Variants in GLIS3 observed in about 807,000 individuals in gnomAD.
GLIS3 encodes zinc finger protein GLIS3.
Under a neutral mutation model 78.6 loss-of-function variants are expected in GLIS3, and 53 were observed. The ratio of observed to expected loss-of-function variants is 0.67; its 90% CI spans 0.54 to 0.85. The LOEUF is 0.85. Ranked by LOEUF, GLIS3 falls within the 40% of genes least tolerant of loss-of-function variation. The probability of loss-of-function intolerance (pLI) is 0.00; values close to 1 mark genes in which losing one functional copy is unlikely to be tolerated. For missense variants in GLIS3, 1,703 were observed against 1,231.1 expected (o/e 1.38, Z -5.74); for synonymous variants, 684 against 509.9 (o/e 1.34, Z -4.60).
At chr9:4,211,747 G>A (rs1337334483) in intron 2 of GLIS3, among the ~76,000 whole-genome samples, 2 of 152,144 alleles carry the variant, frequency 1.3e-5, no homozygotes, top group Admixed American at 6.5e-5. Flanking sequence ...GTTCATAACA[G>A]CCAAAAAGGG....
chr9:4,437,212 G>C, the GLIS3 span, among the ~76,000 whole-genome samples: 2 of 152,170 alleles, frequency 1.3e-5, no homozygotes, highest in Non-Finnish European at 2.9e-5. Flanking sequence ...AAGAATTTGA[G>C]ATCTTTAAAT....
intron 4 of GLIS3, among the ~76,000 whole-genome samples, chr9:3,966,742 C>A (rs146594476): frequency 6.6e-6 from 1 of 151,126 alleles, no homozygotes; most frequent in Non-Finnish European, 1.5e-5. Context: ...GAGCTGAGAT[C>A]GCGCCACTGC....
At chr9:4,126,618 A>C (rs768007267) in intron 2 of GLIS3, among the ~76,000 whole-genome samples, 1 of 152,216 alleles carries the variant, frequency 6.6e-6, no homozygotes, top group African/African-American at 2.4e-5. Flanking sequence ...TACATACCCA[A>C]AGGGGAAAGA....
At chr9:4,194,502 G>A (rs1253022446) in intron 2 of GLIS3, among the ~76,000 whole-genome samples, 1 of 152,126 alleles carries the variant, frequency 6.6e-6, no homozygotes, top group Non-Finnish European at 1.5e-5. Context: ...CAGATGCCTG[G>A]AAATCTGCCT....
rs143126279 is a variant in GLIS3 at position 4,269,294 on chromosome 9, TATA to T, written c.388+16741_388+16743del. ...CATACCCCTCCCTGCCCACAGATAT[TATA>T]ATATCATATGCACAAATCATGTGAC... On this transcript the variant is annotated intron_variant, in intron 2 of 10. Coordinates refer to ENST00000381971, the MANE Select transcript of GLIS3 (RefSeq NM_001042413.2). Among the ~76,000 whole-genome samples the T allele has an allele frequency of 5.2e-3, 786 of 152,298 alleles. 7 individuals carry two copies. The highest frequency in any genetic ancestry group is 0.017 in the African/African-American group (696 of 41,548).
intron 4 of GLIS3, among the ~76,000 whole-genome samples, chr9:4,111,097 TA>T (rs1181812197): frequency 6.6e-6 from 1 of 152,194 alleles, no homozygotes; most frequent in Non-Finnish European, 1.5e-5. Flanking sequence ...AGAATCTATA[TA>T]CAAACAAATC....
chr9:4,392,030 G>C, the GLIS3 span, among the ~76,000 whole-genome samples: 2 of 152,150 alleles, frequency 1.3e-5, no homozygotes, highest in Non-Finnish European at 2.9e-5. Context: ...ACTGGATAAA[G>C]AAAATGTGGT....
chr9:3,880,977 A>G (rs1439552735), intron 7 of GLIS3, among the ~76,000 whole-genome samples: 1 of 152,160 alleles, frequency 6.6e-6, no homozygotes, highest in Non-Finnish European at 1.5e-5. Context: ...ACCAGTTCAG[A>G]AAGGCAAGGC....
chr9:4,007,891 G>T (rs1409245618), intron 4 of GLIS3, among the ~76,000 whole-genome samples: 1 of 133,694 alleles, frequency 7.5e-6, no homozygotes, highest in Non-Finnish European at 1.6e-5. Flanking sequence ...GGGGGTGGGT[G>T]GGCGTTGGGG....
At chr9:4,256,346 G>A (rs1824937494) in intron 2 of GLIS3, among the ~76,000 whole-genome samples, 1 of 152,186 alleles carries the variant, frequency 6.6e-6, no homozygotes, top group African/African-American at 2.4e-5. Context: ...TTAATATTAA[G>A]TATGAAATGT....
At chr9:3,962,842 T>C (rs1048050057) in intron 4 of GLIS3, among the ~76,000 whole-genome samples, 4 of 151,602 alleles carry the variant, frequency 2.6e-5, no homozygotes, top group Non-Finnish European at 5.9e-5. Context: ...GCTAAAAACT[T>C]GGCAAATGGC....
intron 2 of GLIS3, among the ~76,000 whole-genome samples, chr9:4,254,954 A>C (rs1286257430): frequency 3.9e-5 from 6 of 152,232 alleles, no homozygotes; most frequent in Non-Finnish European, 1.5e-5. Flanking sequence ...TATCTGTTAA[A>C]GGACTGTTTA....
chr9:4,172,932 G>T (rs749854056), intron 2 of GLIS3, among the ~76,000 whole-genome samples: 13 of 152,120 alleles, frequency 8.5e-5, no homozygotes, highest in Non-Finnish European at 1.3e-4. Flanking sequence ...ATGGTTGGTT[G>T]CTCTTTCGAT....
chr9:4,414,607 C>T, the GLIS3 span, among the ~76,000 whole-genome samples: 1 of 152,162 alleles, frequency 6.6e-6, no homozygotes, highest in Admixed American at 6.5e-5. Flanking sequence ...ACTGACTAGA[C>T]TTTTCAGAAC....
At chr9:3,920,000 GTTT>G (rs35461429) in intron 6 of GLIS3, among the ~76,000 whole-genome samples, 11 of 79,604 alleles carry the variant, frequency 1.4e-4, no homozygotes, top group East Asian at 3.8e-4. Context: ...TGCTATTACA[GTTT>G]TTTTTTTTTT....
chr9:4,438,345 GT>G, the GLIS3 span, among the ~76,000 whole-genome samples: 1 of 152,172 alleles, frequency 6.6e-6, no homozygotes, highest in South Asian at 2.1e-4. Context: ...AAATGTTTTA[GT>G]AATGAAGTTT....
intron 4 of GLIS3, among the ~76,000 whole-genome samples, chr9:4,015,080 T>C (rs1343597677): frequency 2.0e-5 from 3 of 152,174 alleles, no homozygotes; most frequent in South Asian, 2.1e-4. Flanking sequence ...AGAGAAAACA[T>C]AGTGTCCAAT....
At chr9:3,991,833 G>C (rs890950193) in intron 4 of GLIS3, among the ~76,000 whole-genome samples, 2 of 151,950 alleles carry the variant, frequency 1.3e-5, no homozygotes, top group African/African-American at 2.4e-5. Context: ...TGGGACTACA[G>C]GCGCCTGCAA....
At chr9:4,338,406 AC>A (rs1478600647) in intron 2 of GLIS3, among the ~76,000 whole-genome samples, 1 of 151,562 alleles carries the variant, frequency 6.6e-6, no homozygotes, top group African/African-American at 2.4e-5. Context: ...ACACACACAC[AC>A]ACAATTTTTT....
Sources: gnomAD v4.1 joint callset for allele counts (sites outside exome capture counted in the v4.1 genomes callset) on GRCh38, gnomAD v4.1.1 for gene constraint, MANE v1.5 for transcripts, NCBI Gene and HGNC (gene_info 2026-07-23, HGNC 2026-07-21) for gene names.